The following ZNF777 variants were observed in gnomAD, a reference collection of about 807,000 sequenced individuals.
ZNF777 encodes the protein zinc finger protein 777.
A neutral mutation model predicts 72.1 loss-of-function variants in ZNF777; 7 were observed. The ratio of observed to expected loss-of-function variants is 0.10; its 90% CI spans 0.06 to 0.18. The LOEUF (loss-of-function observed/expected upper bound fraction) is 0.18, where lower values mean the gene tolerates loss of function less well. Ranked by LOEUF, ZNF777 falls within the 10% of genes least tolerant of loss-of-function variation. ZNF777 has a pLI of 1.00. For synonymous variants in ZNF777, 545 were observed against 483.5 expected (o/e 1.13, Z -1.67); for missense variants, 828 against 1,128.6 (o/e 0.73, Z 3.82).
At chr7:149,440,931 C>CCACT (rs1179407226) in intron 4 of ZNF777, among the ~76,000 whole-genome samples, 2 of 152,092 alleles carry the variant, frequency 1.3e-5, no homozygotes, top group Non-Finnish European at 2.9e-5. Context: ...CGGGTGTCCA[C>CCACT]CACTCCATCA....
intron 1 of ZNF777, among the ~76,000 whole-genome samples, chr7:149,456,544 G>A (rs559990556): frequency 6.6e-6 from 1 of 152,158 alleles, no homozygotes; most frequent in African/African-American, 2.4e-5. Context: ...TTTTGTAAAA[G>A]CCAAGCACTT....
rs1017134993 is a variant in ZNF777, at chr7:149,458,988, A to C, written c.-16+1827T>G. 5.3e-5 allele frequency among the ~76,000 whole-genome samples: 8 copies of C among 152,340 alleles called. No individual in the cohort carries two copies. The South Asian group carries it at 6.2e-4, about 12-fold the overall frequency. Reference sequence around the variant, plus strand: ...CATTAGCAGAAGCATCCATAACCACAGTATCTGACTTATTAAGAAAGTCAT... The same window carrying C: ...CATTAGCAGAAGCATCCATAACCACCGTATCTGACTTATTAAGAAAGTCAT... On this transcript the variant is annotated intron_variant, in intron 1 of 5. Coordinates refer to ENST00000247930, the MANE Select transcript of ZNF777 (RefSeq NM_015694.3).
chr7:149,432,182 C>A lies in ZNF777; in HGVS notation c.2090G>T (p.Ser697Ile). Residue 697 changes from serine to isoleucine, a missense_variant, in exon 6 of 6, where the codon AGC becomes ATC. By Grantham distance (142) the Ser-to-Ile change is moderately radical (BLOSUM62 -2). This residue lies in a region of ZNF777 where 24 missense variants were observed against 23.3 expected (regional missense o/e 1.03). Coordinates refer to ENST00000247930, the MANE Select transcript of ZNF777 (RefSeq NM_015694.3). ...GCGGCTGAAGCTCTTGCCGCACAGG[C>A]TGCAGATGAAGGAGACCTCATGCTT... ...AGKHEVSFICSLCGKSFSRPS... is the reference protein window; with the variant it reads ...AGKHEVSFICILCGKSFSRPS... 1 of 1,604,758 alleles carries A rather than the reference C, an allele frequency of 6.2e-7. No individual in the cohort carries two copies. Among genetic ancestry groups the A allele is most frequent in the Non-Finnish European group, 8.5e-7 (1 of 1,179,690 alleles).
intron 4 of ZNF777, among the ~76,000 whole-genome samples, chr7:149,448,564 TAGTTATAC>T (rs1799653590): frequency 2.0e-5 from 2 of 102,370 alleles, no homozygotes; most frequent in Admixed American, 1.2e-4. Flanking sequence ...TATAGTTATA[TAGTTATAC>T]ATATAACTAT....
At chr7:149,459,410 G>A (rs2116613973) in intron 1 of ZNF777, among the ~76,000 whole-genome samples, 1 of 152,316 alleles carries the variant, frequency 6.6e-6, no homozygotes, top group South Asian at 2.1e-4. Flanking sequence ...TTTAGCCTAC[G>A]ACCTTCCAGA....
In ZNF777 at chr7:149,455,032, AT is replaced by A; in HGVS notation, c.846+144del. On this transcript the variant is annotated intron_variant, in intron 2 of 5. Transcript: ENST00000247930. The surrounding 1 kb of genome is among the most constrained non-coding windows in gnomAD (Gnocchi z 4.2). ...TATACTCTCATCAACAGGAGAAATA[AT>A]TTGATTTTGGCATGTCCTAGCAACT... The A allele has an allele frequency of 2.0e-6, 2 of 1,019,502 alleles. No homozygotes were observed. Among genetic ancestry groups the A allele is most frequent in the Non-Finnish European group, 2.9e-6 (2 of 694,382 alleles). The allele number at this position is 1,019,502 out of a possible 1,614,324, so 63.2% of individuals were successfully genotyped here. A position where few individuals can be genotyped will look rare whatever the true frequency, so the allele number is the denominator to read the frequency against.
rs369152565 is a variant in ZNF777 at position 149,448,727 on chromosome 7, T to C, written c.1087+2272A>G. Among the ~76,000 whole-genome samples the C allele has an allele frequency of 6.6e-5, 10 of 151,668 alleles. No homozygotes were observed. In the East Asian group the frequency reaches 1.4e-3, roughly 21 times the overall value. On this transcript the variant is annotated intron_variant, in intron 4 of 5. Transcript: ENST00000247930. Reference sequence around the variant, plus strand: ...GAGCACACAGATTTCAGCCATGCCTTCTGGTTCGCTTTACTCTTTGCCAAC... The same window carrying C: ...GAGCACACAGATTTCAGCCATGCCTCCTGGTTCGCTTTACTCTTTGCCAAC...
intron 1 of ZNF777, 110 bp from the exon 2 acceptor site, chr7:149,456,147 TA>T (rs1799827335): frequency 8.4e-7 from 1 of 1,184,814 alleles, no homozygotes; most frequent in Non-Finnish European, 1.1e-6. Context: ...TTGGTAGCAA[TA>T]ATATGTGCCC....
chr7:149,449,951 A>C (rs1038048366), intron 4 of ZNF777, among the ~76,000 whole-genome samples: 1 of 152,286 alleles, frequency 6.6e-6, no homozygotes, highest in Non-Finnish European at 1.5e-5. Flanking sequence ...CATGGGGCCA[A>C]CATTACTCCC....
chr7:149,459,996 C>A lies in ZNF777; in HGVS notation c.-16+819G>T, dbSNP rs1004940306. ...GGCCCCCTCCAGGGCGCCCCCACCC[C>A]CCGCGCCAACGTCGTAGCGTTTCTG... is the stretch of plus-strand genomic sequence containing the variant. On this transcript the variant is annotated intron_variant, in intron 1 of 5. Transcript: ENST00000247930. 4.2e-6 allele frequency: 4 copies of A among 956,826 alleles called. No individual in the cohort carries two copies. In the African/African-American group the frequency reaches 5.3e-5, roughly 13 times the overall value. 59.3% of individuals were successfully genotyped at this position (956,826 alleles called of 1,614,324 possible). A position where few individuals can be genotyped will look rare whatever the true frequency, so the allele number is the denominator to read the frequency against.
chr7:149,458,007 C>A (rs1345983328), intron 1 of ZNF777, among the ~76,000 whole-genome samples: 1 of 152,204 alleles, frequency 6.6e-6, no homozygotes, highest in Non-Finnish European at 1.5e-5. Context: ...TGCTCTGAAT[C>A]CTTTTTACCT....
At chr7:149,448,973 G>A (rs1010561127) in intron 4 of ZNF777, among the ~76,000 whole-genome samples, 7 of 152,198 alleles carry the variant, frequency 4.6e-5, no homozygotes, top group African/African-American at 9.7e-5. Context: ...TTGGAATTAT[G>A]AGAAGTCTCA....
Position 149,455,525 on chromosome 7 carries a change from G to C in ZNF777, c.498C>G (p.Phe166Leu). ...QSPVSQKDTP[F>L]QISSAVQKEQ... ...CCTTCTGGACTGCAGAAGAGATCTG[G>C]AAAGGGGTGTCCTTTTGGGAAACCG... The change falls in exon 2 of 6, where the codon TTC becomes TTG. Residue 166 changes from phenylalanine to leucine, a missense_variant. Phe to Leu is a conservative substitution (Grantham distance 22, BLOSUM62 0). Transcript: ENST00000247930. The surrounding 1 kb of genome is among the most constrained non-coding windows in gnomAD (Gnocchi z 4.2). 2 of 1,614,026 alleles carry C rather than the reference G, an allele frequency of 1.2e-6. No individual in the cohort carries two copies. Among genetic ancestry groups the C allele is most frequent in the Non-Finnish European group, 1.7e-6 (2 of 1,180,008 alleles).
At chr7:149,438,598 G>A (rs1483309141) in intron 4 of ZNF777, among the ~76,000 whole-genome samples, 2 of 152,200 alleles carry the variant, frequency 1.3e-5, no homozygotes, top group Non-Finnish European at 2.9e-5. Flanking sequence ...TAAGGTGGTA[G>A]ACACAATAAA....
Position 149,455,151 on chromosome 7 carries a change from G to A in ZNF777, c.846+26C>T, listed in dbSNP as rs374023217. 43 of 1,588,752 alleles carry A rather than the reference G, an allele frequency of 2.7e-5. No homozygotes were observed. The highest frequency in any genetic ancestry group is 3.7e-5 in the Non-Finnish European group (43 of 1,169,506). On this transcript the variant is annotated intron_variant, in intron 2 of 5. Transcript: ENST00000247930. This position sits in a 1 kb window ranked among gnomAD's most constrained non-coding sequence, Gnocchi z 4.2. Reference sequence around the variant, plus strand: ...CACTCCAATTCAGATCACTTCCTTGGGAAGCCCCAGTTGGGATGTGCTTAC... The same window carrying A: ...CACTCCAATTCAGATCACTTCCTTGAGAAGCCCCAGTTGGGATGTGCTTAC...
In ZNF777 at chr7:149,460,216, C is replaced by T. The variant is rs1166409666; in HGVS notation, c.-16+599G>A. On this transcript the variant is annotated intron_variant, in intron 1 of 5. Transcript: ENST00000247930. This position sits in a 1 kb window ranked among gnomAD's most constrained non-coding sequence, Gnocchi z 6.1. ...CTGCCGCCGCCGCTACTGCGCGCGGCCCCACGCAGGCCCGGCCGCCCGGCG... is the reference window on the plus strand; with the variant it reads ...CTGCCGCCGCCGCTACTGCGCGCGGTCCCACGCAGGCCCGGCCGCCCGGCG... The T allele has an allele frequency of 1.3e-5, 7 of 545,056 alleles. No homozygotes were observed. Among genetic ancestry groups the T allele is most frequent in the South Asian group, 7.8e-5 (1 of 12,768 alleles). 33.8% of individuals were successfully genotyped at this position (545,056 alleles called of 1,614,324 possible). A position where few individuals can be genotyped will look rare whatever the true frequency, so the allele number is the denominator to read the frequency against.
In ZNF777 at chr7:149,460,150, C is replaced by A. The variant is rs1057445600; in HGVS notation, c.-16+665G>T. ...GAGCCGGGGCCGCCTCGGCCATGGC[C>A]CTGCGCTGTCCGGCCCGGGCCCCCG... On this transcript the variant is annotated intron_variant, in intron 1 of 5. Coordinates refer to ENST00000247930, the MANE Select transcript of ZNF777 (RefSeq NM_015694.3). This position sits in a 1 kb window ranked among gnomAD's most constrained non-coding sequence, Gnocchi z 6.1. 4.1e-6 allele frequency: 4 copies of A among 973,172 alleles called. No homozygotes were observed. In the African/African-American group the frequency reaches 7.1e-5, roughly 17 times the overall value. 60.3% of individuals were successfully genotyped at this position (973,172 alleles called of 1,614,324 possible). A position where few individuals can be genotyped will look rare whatever the true frequency, so the allele number is the denominator to read the frequency against.
intron 1 of ZNF777, chr7:149,459,759 G>T: frequency 1.0e-6 from 1 of 985,064 alleles, no homozygotes; most frequent in Non-Finnish European, 1.2e-6. Context: ...CCGCGCCCGG[G>T]CCGGGGAAGG....
chr7:149,434,739 T>TGC (rs2116569591), intron 5 of ZNF777, among the ~76,000 whole-genome samples: 1 of 152,150 alleles, frequency 6.6e-6, no homozygotes, highest in African/African-American at 2.4e-5. Context: ...CCTGCTACCA[T>TGC]GCCCAGCTAA....
Sources: gnomAD v4.1 joint callset for allele counts (sites outside exome capture counted in the v4.1 genomes callset) on GRCh38, gnomAD v4.1.1 for gene constraint, gnomAD v4.1.1 regional missense constraint, Gnocchi (gnomAD v3.1) non-coding constraint, MANE v1.5 for transcripts, NCBI Gene and HGNC (gene_info 2026-07-23, HGNC 2026-07-21) for gene names.